DOCK1: variants seen among roughly 807,000 people sequenced by gnomAD.
The protein encoded by DOCK1 is dedicator of cytokinesis protein 1.
A neutral mutation model predicts 262.7 loss-of-function variants in DOCK1; 138 were observed. The ratio of observed to expected loss-of-function variants is 0.53; its 90% CI spans 0.46 to 0.61. DOCK1 has a LOEUF of 0.61. DOCK1 is among the 20% of genes least tolerant of loss of function. The pLI, the probability that DOCK1 is intolerant of heterozygous loss-of-function variation, is 0.00. For missense variants in DOCK1, 1,908 were observed against 2,370.7 expected (o/e 0.80, Z 4.05); for synonymous variants, 866 against 867.4 (o/e 1.00, Z 0.03).
chr10:127,267,658 C>T (rs1045492153), intron 29 of DOCK1, among the ~76,000 whole-genome samples: 2 of 152,206 alleles, frequency 1.3e-5, no homozygotes, highest in African/African-American at 2.4e-5. Context: ...GTACTGATGC[C>T]GCATCCCGCT....
At chr10:126,937,259 A>G (rs2034614481) in intron 1 of DOCK1, among the ~76,000 whole-genome samples, 1 of 152,216 alleles carries the variant, frequency 6.6e-6, no homozygotes, top group African/African-American at 2.4e-5. Context: ...GGTTGTCTCC[A>G]TGTTTTAGCT....
At chr10:127,318,000 A>C (rs2062357824) in intron 29 of DOCK1, among the ~76,000 whole-genome samples, 1 of 152,192 alleles carries the variant, frequency 6.6e-6, no homozygotes, top group Non-Finnish European at 1.5e-5. Context: ...TCTTTAATGC[A>C]GCTGGCAGCC....
intron 23 of DOCK1, among the ~76,000 whole-genome samples, chr10:127,065,255 C>T (rs532209649): frequency 5.2e-4 from 79 of 152,234 alleles, no homozygotes; most frequent in Non-Finnish European, 1.0e-3. Flanking sequence ...AAATAATTCA[C>T]CCGCCTCGGC....
Position 126,995,468 on chromosome 10 carries a change from G to A in DOCK1, c.474-1280G>A, listed in dbSNP as rs879392181. Among the ~76,000 whole-genome samples the A allele has an allele frequency of 2.0e-5, 3 of 152,188 alleles. No individual in the cohort carries two copies. The highest frequency in any genetic ancestry group is 2.9e-5 in the Non-Finnish European group (2 of 68,030). ...AGCCGGGCCAACCCGGTGAAACCCC[G>A]TCTCCATCAAAAAATACGAAAACCA... On this transcript the variant is annotated intron_variant, in intron 6 of 51. Coordinates refer to ENST00000623213, the MANE Select transcript of DOCK1 (RefSeq NM_001290223.2). This position sits in a 1 kb window ranked among gnomAD's most constrained non-coding sequence, Gnocchi z 5.8.
At chr10:126,911,777 A>C (rs1020155284) in intron 1 of DOCK1, among the ~76,000 whole-genome samples, 1 of 152,156 alleles carries the variant, frequency 6.6e-6, no homozygotes, top group African/African-American at 2.4e-5. Context: ...GGAACTAATT[A>C]ATGTATCTTA....
chr10:126,942,542 A>T (rs1347511781), intron 1 of DOCK1, among the ~76,000 whole-genome samples: 1 of 152,160 alleles, frequency 6.6e-6, no homozygotes, highest in African/African-American at 2.4e-5. Context: ...AGAGGAATGG[A>T]TGGAGCTGCT....
chr10:127,224,417 C>A (rs1250705791), intron 27 of DOCK1, among the ~76,000 whole-genome samples: 2 of 152,002 alleles, frequency 1.3e-5, no homozygotes, highest in Non-Finnish European at 2.9e-5. Context: ...CAAAAAATAG[C>A]CAGGCATGGT....
At chr10:127,242,656 G>T (rs536240779) in intron 27 of DOCK1, among the ~76,000 whole-genome samples, 1 of 151,980 alleles carries the variant, frequency 6.6e-6, no homozygotes, top group African/African-American at 2.4e-5. Flanking sequence ...TTTTGTTGTT[G>T]TTGTTTAGTA....
chr10:127,240,985 T>G (rs1241262314), intron 27 of DOCK1, among the ~76,000 whole-genome samples: 4 of 152,200 alleles, frequency 2.6e-5, no homozygotes, highest in Non-Finnish European at 4.4e-5. Flanking sequence ...ATAAGGAAGA[T>G]ATGATGATCA....
intron 27 of DOCK1, among the ~76,000 whole-genome samples, chr10:127,222,464 T>C (rs567229792): frequency 6.6e-6 from 1 of 152,286 alleles, no homozygotes; most frequent in Non-Finnish European, 1.5e-5. Flanking sequence ...GTTTTTGAAA[T>C]TGTAGTCAGG....
At chr10:127,436,108 G>A (rs2069668022) in intron 48 of DOCK1, among the ~76,000 whole-genome samples, 1 of 152,270 alleles carries the variant, frequency 6.6e-6, no homozygotes, top group Middle Eastern at 3.4e-3. Context: ...TAATGGATAT[G>A]GATGTATTGT....
chr10:127,206,894 G>T (rs1292540840), intron 27 of DOCK1, among the ~76,000 whole-genome samples: 2 of 152,134 alleles, frequency 1.3e-5, no homozygotes, highest in Non-Finnish European at 2.9e-5. Flanking sequence ...TACGTCTGAA[G>T]GTCTTTTTCA....
chr10:126,937,188 T>A (rs1342791652), intron 1 of DOCK1, among the ~76,000 whole-genome samples: 1 of 152,216 alleles, frequency 6.6e-6, no homozygotes, highest in African/African-American at 2.4e-5. Flanking sequence ...TAAGGCTGAA[T>A]AATATTCCAT....
Position 127,111,849 on chromosome 10 carries a change from T to C in DOCK1, c.2623+1495T>C, listed in dbSNP as rs189837423. Among the ~76,000 whole-genome samples the C allele has an allele frequency of 1.5e-4, 23 of 152,334 alleles. 1 individual carries two copies. Among genetic ancestry groups the C allele is most frequent in the South Asian group, 2.1e-4 (1 of 4,820 alleles). ...AACCGTCCATGAATAACAATTGTTG[T>C]AAATTGTCGATGAATTGTGCTTGAT... On this transcript the variant is annotated intron_variant, in intron 25 of 51. Coordinates refer to ENST00000623213, the MANE Select transcript of DOCK1 (RefSeq NM_001290223.2).
At chr10:127,112,013 ATT>A (rs759300995) in intron 25 of DOCK1, among the ~76,000 whole-genome samples, 6 of 142,042 alleles carry the variant, frequency 4.2e-5, no homozygotes, top group African/African-American at 1.3e-4. Context: ...ATTCAATTAG[ATT>A]TTTTTTTTTT....
intron 27 of DOCK1, among the ~76,000 whole-genome samples, chr10:127,183,620 G>A (rs914595611): frequency 5.3e-5 from 8 of 152,030 alleles, no homozygotes; most frequent in South Asian, 4.2e-4. Flanking sequence ...TAATCTTCTC[G>A]GCCCTCATAC....
intron 29 of DOCK1, among the ~76,000 whole-genome samples, chr10:127,285,276 A>ATTTTTGATTTTGATTATTTTAT (rs1176091849): frequency 6.6e-6 from 1 of 152,204 alleles, no homozygotes; most frequent in Non-Finnish European, 1.5e-5. Context: ...ATAGCTTTTT[A>ATTTTTGATTTTGATTATTTTAT]TTTTAATTTT....
At chr10:127,379,555 A>G (rs934562700) in intron 35 of DOCK1, among the ~76,000 whole-genome samples, 14 of 152,220 alleles carry the variant, frequency 9.2e-5, no homozygotes, top group Non-Finnish European at 1.6e-4. Context: ...TATTTATTCA[A>G]TGTTAGTTAA....
At chr10:127,236,656 T>C (rs2059076236) in intron 27 of DOCK1, among the ~76,000 whole-genome samples, 1 of 151,912 alleles carries the variant, frequency 6.6e-6, no homozygotes, top group Non-Finnish European at 1.5e-5. Context: ...ATTCCATGAA[T>C]ATGGTATATT....
Sources: gnomAD v4.1 joint callset for allele counts (sites outside exome capture counted in the v4.1 genomes callset) on GRCh38, gnomAD v4.1.1 for gene constraint, Gnocchi (gnomAD v3.1) non-coding constraint, MANE v1.5 for transcripts, NCBI Gene and HGNC (gene_info 2026-07-23, HGNC 2026-07-21) for gene names.